Variants in HDAC5 observed in about 807,000 individuals in gnomAD.
The protein encoded by HDAC5 is antigen NY-CO-9.
A neutral mutation model predicts 133.3 loss-of-function variants in HDAC5; 25 were observed. The ratio of observed to expected loss-of-function variants is 0.19; its 90% CI spans 0.14 to 0.26. The LOEUF (loss-of-function observed/expected upper bound fraction) is 0.26, where lower values mean the gene tolerates loss of function less well. Ranked by LOEUF, HDAC5 falls within the 10% of genes least tolerant of loss-of-function variation. HDAC5 has a pLI of 1.00. For synonymous variants in HDAC5, 589 were observed against 610.8 expected (o/e 0.96, Z 0.53); for missense variants, 1,041 against 1,460.5 (o/e 0.71, Z 4.68).
At chr17:44,086,432 G>T in intron 14 of HDAC5, 140 bp downstream of exon 14, 1 of 586,130 alleles carries the variant, frequency 1.7e-6, no homozygotes, top group Non-Finnish European at 2.6e-6. Context: ...TGGGGTACAG[G>T]GAGAGAACGA....
chr17:44,112,168 G>A (rs760631150), intron 2 of HDAC5, among the ~76,000 whole-genome samples: 1 of 152,104 alleles, frequency 6.6e-6, no homozygotes, highest in Non-Finnish European at 1.5e-5. Context: ...CTATTAACAG[G>A]TACAATGACC....
Position 44,092,196 on chromosome 17 carries a change from G to T in HDAC5, c.1008C>A (p.Gly336=), listed in dbSNP as rs772649475. 1.2e-6 allele frequency: 2 copies of T among 1,614,034 alleles called. No homozygotes were observed. The highest frequency in any genetic ancestry group is 1.7e-6 in the Non-Finnish European group (2 of 1,179,958). Residue 336 remains glycine (G), a synonymous_variant, in exon 9 of 27, where the codon GGC becomes GGA. Coordinates refer to ENST00000682912, the MANE Select transcript of HDAC5 (RefSeq NM_005474.5). ...HSTIAENGFT[G]SVPNIPTEML... The stretch of plus-strand genomic sequence containing the variant: ...CCTCAGTGGGGATGTTGGGGACTGA[G>T]CCAGTAAAGCCATTCTCAGCGATGG...
rs114796159 is a variant in HDAC5 at position 44,093,683 on chromosome 17, C to T, written c.246G>A (p.Ala82=). The change falls in exon 4 of 27, where the codon GCG becomes GCA. Residue 82 remains alanine, a synonymous_variant. Coordinates refer to ENST00000682912, the MANE Select transcript of HDAC5 (RefSeq NM_005474.5). ...REQQLQQELL[A]LKQQQQLQKQ... The stretch of plus-strand genomic sequence containing the variant: ...TCTGCAGCTGCTGCTGCTGCTTGAG[C>T]GCCAGGAGCTCCTGCTGCAGTTGCT... 2,112 of 1,609,600 alleles carry T rather than the reference C, an allele frequency of 1.3e-3. 29 individuals carry two copies. The African/African-American group carries it at 0.025, about 19-fold the overall frequency.
chr17:44,093,052 G>A (rs1215034079), intron 6 of HDAC5, 40 bp downstream of exon 6: 13 of 1,463,656 alleles, frequency 8.9e-6, no homozygotes, highest in African/African-American at 5.6e-5. Flanking sequence ...GCCCCTGAGC[G>A]GCTCACCTAT....
intron 3 of HDAC5, among the ~76,000 whole-genome samples, chr17:44,096,475 GTTT>G (rs753428334): frequency 7.3e-6 from 1 of 137,008 alleles, no homozygotes. Flanking sequence ...GTTTTTTTTT[GTTT>G]TTTTTTTTTT....
chr17:44,087,146 G>A (rs1356458900), intron 13 of HDAC5, among the ~76,000 whole-genome samples: 1 of 151,610 alleles, frequency 6.6e-6, no homozygotes, highest in Non-Finnish European at 1.5e-5. Context: ...TGCATACACA[G>A]ACACACAAGC....
chr17:44,083,739 T>C (rs1597937435), intron 17 of HDAC5, 66 bp downstream of exon 17: 1 of 1,582,436 alleles, frequency 6.3e-7, no homozygotes, highest in Admixed American at 1.7e-5. Context: ...GCGGCTGTGG[T>C]AGGCAGGGAA....
chr17:44,112,895 G>A (rs2052428571), intron 2 of HDAC5, among the ~76,000 whole-genome samples: 1 of 152,204 alleles, frequency 6.6e-6, no homozygotes, highest in African/African-American at 2.4e-5. Context: ...CTCCCTCAGA[G>A]GCCTAGTGCT....
intron 3 of HDAC5, among the ~76,000 whole-genome samples, chr17:44,104,268 C>T (rs950750443): frequency 1.3e-5 from 2 of 151,898 alleles, no homozygotes; most frequent in Admixed American, 6.6e-5. Context: ...TGCACTACTG[C>T]ACTCCAGCCT....
intron 21 of HDAC5, 89 bp downstream of exon 21, chr17:44,080,674 C>T (rs2050348812): frequency 6.3e-7 from 1 of 1,578,908 alleles, no homozygotes; most frequent in East Asian, 2.2e-5. Context: ...ACCAACACCA[C>T]CATGGGCCTC....
At chr17:44,108,683 G>C (rs1205224708) in intron 3 of HDAC5, among the ~76,000 whole-genome samples, 2 of 150,356 alleles carry the variant, frequency 1.3e-5, no homozygotes, top group African/African-American at 2.5e-5. Flanking sequence ...TGTTTATCCG[G>C]GGTGGATTTT....
chr17:44,080,905 C>A, intron 20 of HDAC5, 23 bp from the exon 21 acceptor site: 1 of 1,613,966 alleles, frequency 6.2e-7, no homozygotes, highest in Non-Finnish European at 8.5e-7. Context: ...GTAGAAGCAT[C>A]GGGAAAATGG....
intron 13 of HDAC5, among the ~76,000 whole-genome samples, chr17:44,087,112 C>G (rs1458726274): frequency 1.3e-5 from 2 of 151,520 alleles, no homozygotes; most frequent in African/African-American, 4.9e-5. Context: ...CACACACGCA[C>G]AGGCACGCAC....
chr17:44,104,294 ACT>A (rs776238586), intron 3 of HDAC5, among the ~76,000 whole-genome samples: 1 of 151,956 alleles, frequency 6.6e-6, no homozygotes, highest in African/African-American at 2.4e-5. Flanking sequence ...ACAGAGCGAG[ACT>A]CTGTCTCAAA....
At chr17:44,082,968 GT>G in intron 18 of HDAC5, 148 bp from the exon 19 acceptor site, 1 of 711,872 alleles carries the variant, frequency 1.4e-6, no homozygotes, top group Non-Finnish European at 2.4e-6. Flanking sequence ...TTTTGTTGGG[GT>G]TTCTTTGTTT....
At chr17:44,083,890 G>A (rs1214038834) in intron 16 of HDAC5, 36 bp from the exon 17 acceptor site, 6 of 1,582,124 alleles carry the variant, frequency 3.8e-6, no homozygotes, top group South Asian at 1.1e-5. Flanking sequence ...TCTAGAAGTG[G>A]CCTCGGGCGG....
intron 3 of HDAC5, among the ~76,000 whole-genome samples, chr17:44,099,827 G>T (rs898956798): frequency 4.6e-5 from 7 of 152,144 alleles, no homozygotes; most frequent in African/African-American, 1.7e-4. Flanking sequence ...GCAAGCTCTG[G>T]CTCAGGAGCT....
chr17:44,113,124 G>T (rs972556431), intron 2 of HDAC5, among the ~76,000 whole-genome samples: 1 of 152,158 alleles, frequency 6.6e-6, no homozygotes, highest in Non-Finnish European at 1.5e-5. Context: ...GGGCTGGCTA[G>T]CCCTGTCCCA....
intron 2 of HDAC5, 130 bp from the exon 3 acceptor site, chr17:44,110,930 C>A (rs35223928): frequency 2.7e-6 from 2 of 743,888 alleles, no homozygotes; most frequent in Non-Finnish European, 4.6e-6. Context: ...GGAAGGTGGT[C>A]GGGCAGCCCG....
Sources: allele counts gnomAD v4.1 joint callset (sites outside exome capture counted in the v4.1 genomes callset), GRCh38; gene constraint gnomAD v4.1.1; transcripts MANE v1.5; gene names NCBI Gene and HGNC (gene_info 2026-07-23, HGNC 2026-07-21).